Variants in ZFHX3 observed in about 807,000 individuals in gnomAD.
ZFHX3 encodes the protein zinc finger homeobox protein 3.
ZFHX3 carries 42 observed loss-of-function variants against 279.1 expected under a neutral mutation model. The ratio of observed to expected loss-of-function variants is 0.15; its 90% CI spans 0.12 to 0.19. The LOEUF (loss-of-function observed/expected upper bound fraction) is 0.19. Ranked by LOEUF, ZFHX3 falls within the 10% of genes least tolerant of loss-of-function variation. The pLI is 1.00. For missense variants in ZFHX3, 4,981 were observed against 4,754.0 expected, an observed-to-expected ratio of 1.05 and a Z score of -1.40; for synonymous variants, 2,293 against 1,957.8, an observed-to-expected ratio of 1.17 and a Z score of -4.52.
chr16:73,411,562 G>C (rs931105008), intron 3 of ZFHX3, among the ~76,000 whole-genome samples: 1 of 152,100 alleles, frequency 6.6e-6, no homozygotes, highest in Non-Finnish European at 1.5e-5. Context: ...AGATGTCATG[G>C]GTAGGACCCA....
chr16:73,130,701 G>A (rs773555994), intron 7 of ZFHX3, among the ~76,000 whole-genome samples: 3 of 152,304 alleles, frequency 2.0e-5, no homozygotes, highest in African/African-American at 4.8e-5. Flanking sequence ...TCCGCTGCCC[G>A]GGTTCAAGGG....
intron 2 of ZFHX3, among the ~76,000 whole-genome samples, chr16:73,613,081 T>C (rs576751115): frequency 6.6e-6 from 1 of 152,192 alleles, no homozygotes; most frequent in Non-Finnish European, 1.5e-5. Context: ...GGGAAACAGA[T>C]GAAATAGAAA....
intron 1 of ZFHX3, among the ~76,000 whole-genome samples, chr16:73,044,917 G>C (rs1567648457): frequency 6.6e-6 from 1 of 152,052 alleles, no homozygotes; most frequent in Non-Finnish European, 1.5e-5. Flanking sequence ...CACCATGCCT[G>C]GCCAAAAGGT....
chr16:72,832,585 G>A (rs911430099), intron 4 of ZFHX3, among the ~76,000 whole-genome samples: 1 of 152,168 alleles, frequency 6.6e-6, no homozygotes, highest in Non-Finnish European at 1.5e-5. Context: ...TGTTCTATGC[G>A]TGGTAGAAGA....
chr16:73,735,754 G>A (rs2053603736), intron 1 of ZFHX3, among the ~76,000 whole-genome samples: 1 of 152,056 alleles, frequency 6.6e-6, no homozygotes, highest in African/African-American at 2.4e-5. Context: ...CTCATCTCAT[G>A]GCTTTGTACA....
intron 1 of ZFHX3, among the ~76,000 whole-genome samples, chr16:73,701,094 C>G (rs1271406587): frequency 6.6e-6 from 1 of 152,058 alleles, no homozygotes; most frequent in East Asian, 1.9e-4. Flanking sequence ...CCATACTACA[C>G]CCAAGGGAGA....
chr16:73,036,968 T>C (rs1473713825), intron 1 of ZFHX3, among the ~76,000 whole-genome samples: 1 of 152,194 alleles, frequency 6.6e-6, no homozygotes, highest in African/African-American at 2.4e-5. Context: ...AGAGAAGTTA[T>C]TTTTGTAGAC....
chr16:73,555,450 G>A (rs1374172655), intron 2 of ZFHX3, among the ~76,000 whole-genome samples: 1 of 150,800 alleles, frequency 6.6e-6, no homozygotes, highest in Non-Finnish European at 1.5e-5. Context: ...CACCGCGCCC[G>A]GCCGCCATGT....
At chr16:72,986,419 C>A (rs1447277350) in intron 1 of ZFHX3, among the ~76,000 whole-genome samples, 1 of 152,222 alleles carries the variant, frequency 6.6e-6, no homozygotes, top group East Asian at 1.9e-4. Flanking sequence ...CTCTGGAGAA[C>A]TTGGTGGCCA....
chr16:73,754,807 T>C (rs2053793690), intron 1 of ZFHX3, among the ~76,000 whole-genome samples: 1 of 151,940 alleles, frequency 6.6e-6, no homozygotes, highest in Admixed American at 6.6e-5. Context: ...AATGACACAA[T>C]ATATATAAAA....
chr16:73,401,935 A>G (rs1253507624), intron 3 of ZFHX3: 1 of 152,206 alleles, frequency 6.6e-6, no homozygotes, highest in Non-Finnish European at 1.5e-5. Context: ...CCTCCAAAAA[A>G]TAACTGCATC....
intron 5 of ZFHX3, among the ~76,000 whole-genome samples, chr16:73,155,119 G>C (rs972696238): frequency 2.7e-5 from 4 of 148,694 alleles, no homozygotes; most frequent in African/African-American, 9.9e-5. Context: ...TTGCAAGTGA[G>C]CTAAGATTGG....
chr16:73,719,785 C>A (rs1343640341), intron 1 of ZFHX3, among the ~76,000 whole-genome samples: 1 of 139,128 alleles, frequency 7.2e-6, no homozygotes, highest in African/African-American at 2.6e-5. Flanking sequence ...AGGCATGCAC[C>A]ACCAAGCCCA....
chr16:73,883,835 A>T (rs779859078), intron 1 of ZFHX3, among the ~76,000 whole-genome samples: 5 of 152,274 alleles, frequency 3.3e-5, no homozygotes, highest in South Asian at 4.1e-4. Context: ...CTTACTGCCA[A>T]GGTCTCCATA....
chr16:73,569,581 T>TGCAG (rs1484456554), intron 2 of ZFHX3, among the ~76,000 whole-genome samples: 1 of 152,194 alleles, frequency 6.6e-6, no homozygotes, highest in Non-Finnish European at 1.5e-5. Context: ...GAGATTCACC[T>TGCAG]GCAGACTGAG....
chr16:73,420,621 A>C (rs1161401995), intron 3 of ZFHX3: 2 of 143,070 alleles, frequency 1.4e-5, no homozygotes, highest in Non-Finnish European at 2.9e-5. Flanking sequence ...GAAGGCAGTC[A>C]AACTACGGTT....
intron 3 of ZFHX3, among the ~76,000 whole-genome samples, chr16:72,932,478 A>G (rs1276119687): frequency 6.6e-6 from 1 of 151,730 alleles, no homozygotes; most frequent in Non-Finnish European, 1.5e-5. Context: ...AAAAAAAAAA[A>G]GTCCTACAAA....
chr16:72,928,209 A>G (rs1306724992), intron 3 of ZFHX3, among the ~76,000 whole-genome samples: 1 of 9,430 alleles, frequency 1.1e-4, no homozygotes, highest in Admixed American at 1.4e-3. Context: ...AGCGAGGGGG[A>G]GCGAAGGGGA....
intron 2 of ZFHX3, among the ~76,000 whole-genome samples, chr16:73,638,165 T>C (rs960716583): frequency 3.3e-5 from 5 of 152,300 alleles, no homozygotes; most frequent in Admixed American, 6.5e-5. Flanking sequence ...TTTTATTCCA[T>C]GGAAATAATC....
Sources: allele counts gnomAD v4.1 joint callset (sites outside exome capture counted in the v4.1 genomes callset), GRCh38; gene constraint gnomAD v4.1.1; transcripts MANE v1.5; gene names NCBI Gene and HGNC (gene_info 2026-07-23, HGNC 2026-07-21).